TPP2: variants seen among roughly 807,000 people sequenced by gnomAD.
The protein encoded by TPP2 is tripeptidyl peptidase 2, also known as tripeptidyl-peptidase 2.
TPP2 carries 34 observed loss-of-function variants against 155.9 expected under a neutral mutation model. The observed-to-expected ratio is 0.22, with a 90% CI of 0.17 to 0.29. TPP2 has a LOEUF of 0.29. Among genes scored for constraint, TPP2 ranks in the 10% least tolerant of loss-of-function variants. The probability of loss-of-function intolerance (pLI) is 1.00; values close to 1 mark genes in which losing one functional copy is unlikely to be tolerated. For missense variants in TPP2, 1,028 were observed against 1,522.3 expected (o/e 0.68, Z 5.40); for synonymous variants, 510 against 529.4 (o/e 0.96, Z 0.50).
chr13:102,635,559 A>G, intron 11 of TPP2, 28 bp from the exon 12 acceptor site: 3 of 1,561,650 alleles, frequency 1.9e-6, no homozygotes, highest in Non-Finnish European at 2.6e-6. Flanking sequence ...TGAGTGCTAC[A>G]CTACTTGTTT....
chr13:102,627,815 C>T, intron 7 of TPP2, 33 bp from the exon 8 acceptor site: 1 of 1,513,314 alleles, frequency 6.6e-7, no homozygotes, highest in Non-Finnish European at 9.2e-7. Flanking sequence ...CTGTAAATTG[C>T]TGCCTAAACT....
rs772089029 is a variant in TPP2 at position 102,646,378 on chromosome 13, T to C, written c.2478T>C (p.Tyr826=). Reference sequence around the variant, plus strand: ...AACTTTATGAGATGGTCCTGACATATAACTTTCATCAAGTAAGTGTTTGCC... The same window carrying C: ...AACTTTATGAGATGGTCCTGACATACAACTTTCATCAAGTAAGTGTTTGCC... ...NRQLYEMVLT[Y]NFHQPKSGEV... The change falls in exon 20 of 30, where the codon TAT becomes TAC. Residue 826 remains tyrosine (Y), a synonymous_variant. Coordinates refer to ENST00000376052, the MANE Select transcript of TPP2 (RefSeq NM_001330588.2). 7.4e-6 allele frequency: 12 copies of C among 1,611,980 alleles called. No individual in the cohort carries two copies. Among genetic ancestry groups the C allele is most frequent in the African/African-American group, 4.0e-5 (3 of 74,844 alleles).
chr13:102,650,353 T>C (rs1403197074), intron 23 of TPP2, among the ~76,000 whole-genome samples: 1 of 152,218 alleles, frequency 6.6e-6, no homozygotes, highest in Non-Finnish European at 1.5e-5. Flanking sequence ...TTAAGAATTA[T>C]ATTTATTTTT....
intron 1 of TPP2, among the ~76,000 whole-genome samples, chr13:102,604,190 A>G (rs1423194554): frequency 6.6e-6 from 1 of 150,446 alleles, no homozygotes; most frequent in Non-Finnish European, 1.5e-5. Flanking sequence ...ATTAAATGGT[A>G]CCATTACTAC....
chr13:102,672,304 A>G (rs1350200283), intron 27 of TPP2, among the ~76,000 whole-genome samples: 3 of 152,162 alleles, frequency 2.0e-5, no homozygotes, highest in Non-Finnish European at 4.4e-5. Context: ...GTGGGTAACA[A>G]ACATTGTCGA....
chr13:102,660,780 C>CAT (rs1410558510), intron 25 of TPP2, among the ~76,000 whole-genome samples: 2 of 152,106 alleles, frequency 1.3e-5, no homozygotes, highest in Non-Finnish European at 2.9e-5. Context: ...AAGGGTAAGA[C>CAT]ATATATAGAT....
chr13:102,624,969 C>T (rs2139470005), intron 6 of TPP2, among the ~76,000 whole-genome samples: 1 of 146,722 alleles, frequency 6.8e-6, no homozygotes, highest in South Asian at 2.2e-4. Flanking sequence ...AAGTGATTCT[C>T]CTGCCTCAGC....
At chr13:102,615,726 T>TA (rs778102247) in intron 3 of TPP2, among the ~76,000 whole-genome samples, 7 of 152,210 alleles carry the variant, frequency 4.6e-5, no homozygotes, top group Non-Finnish European at 8.8e-5. Context: ...ACACTAGGCT[T>TA]ATGGCATTTC....
chr13:102,636,986 A>C, intron 13 of TPP2, 96 bp from the exon 14 acceptor site: 2 of 1,349,278 alleles, frequency 1.5e-6, no homozygotes, highest in Non-Finnish European at 2.0e-6. Flanking sequence ...AGCCAACCAA[A>C]CCAAGTCGCT....
chr13:102,671,704 A>G (rs964403487), intron 27 of TPP2, among the ~76,000 whole-genome samples: 1 of 152,104 alleles, frequency 6.6e-6, no homozygotes, highest in African/African-American at 2.4e-5. Flanking sequence ...TAGCTGTAGC[A>G]TATTCCTTGT....
chr13:102,616,563 A>G, intron 4 of TPP2, 63 bp downstream of exon 4: 1 of 1,294,832 alleles, frequency 7.7e-7, no homozygotes, highest in Non-Finnish European at 1.0e-6. Flanking sequence ...GAGTTTCTAC[A>G]GAACTAATAG....
chr13:102,608,981 A>G (rs768877432), intron 2 of TPP2, among the ~76,000 whole-genome samples: 1 of 152,226 alleles, frequency 6.6e-6, no homozygotes. Flanking sequence ...GGGAACCCCC[A>G]TAATATCAGT....
chr13:102,674,079 C>A (rs1418679197), intron 27 of TPP2, among the ~76,000 whole-genome samples: 2 of 152,118 alleles, frequency 1.3e-5, no homozygotes, highest in Non-Finnish European at 2.9e-5. Context: ...CTCATTTAAT[C>A]TATATGTGTA....
intron 16 of TPP2, among the ~76,000 whole-genome samples, chr13:102,641,400 A>T (rs953028925): frequency 1.3e-5 from 2 of 152,182 alleles, no homozygotes; most frequent in Non-Finnish European, 2.9e-5. Context: ...TACAGAGATT[A>T]TCTTGTCTAG....
chr13:102,664,513 A>G (rs918182510), intron 26 of TPP2, among the ~76,000 whole-genome samples: 19 of 152,254 alleles, frequency 1.2e-4, no homozygotes, highest in African/African-American at 4.3e-4. Context: ...AAAAAACTTT[A>G]CATTTTTATG....
intron 6 of TPP2, 31 bp downstream of exon 6, chr13:102,623,071 T>C (rs762070754): frequency 1.9e-6 from 3 of 1,597,790 alleles, no homozygotes; most frequent in East Asian, 2.2e-5. Context: ...CAATGAGATA[T>C]AGATTTATGA....
chr13:102,678,179 A>C, intron 29 of TPP2, 48 bp from the exon 30 acceptor site: 1 of 1,543,420 alleles, frequency 6.5e-7, no homozygotes, highest in Non-Finnish European at 8.8e-7. Context: ...CTGAGCTTAA[A>C]AATCTGTCAC....
At chr13:102,637,041 A>G in intron 13 of TPP2, 41 bp from the exon 14 acceptor site, 1 of 1,550,638 alleles carries the variant, frequency 6.4e-7, no homozygotes. Context: ...GAAAAAAGGA[A>G]AAAAATACTC....
intron 1 of TPP2, among the ~76,000 whole-genome samples, chr13:102,601,558 A>G (rs1879430554): frequency 6.6e-6 from 1 of 152,220 alleles, no homozygotes; most frequent in Non-Finnish European, 1.5e-5. Context: ...CCCAGTAAGC[A>G]TTTCCCAGTC....
Sources: gnomAD v4.1 joint callset for allele counts (sites outside exome capture counted in the v4.1 genomes callset) on GRCh38, gnomAD v4.1.1 for gene constraint, MANE v1.5 for transcripts, NCBI Gene and HGNC (gene_info 2026-07-23, HGNC 2026-07-21) for gene names.